Variants in HMGB1 observed in about 807,000 individuals in gnomAD.
HMGB1 encodes high mobility group protein B1.
For synonymous variants in HMGB1, 81 were observed against 84.0 expected (o/e 0.96, Z 0.19); for missense variants, 79 against 253.5 (o/e 0.31, Z 4.67).
At chr13:30,592,051 A>G (rs1181481918) in intron 1 of HMGB1, among the ~76,000 whole-genome samples, 2 of 152,152 alleles carry the variant, frequency 1.3e-5, no homozygotes, top group Non-Finnish European at 2.9e-5. Flanking sequence ...GAAAATTGTC[A>G]AAATTAGCTT....
chr13:30,553,024 C>T (rs1367004819), intron 1 of HMGB1, among the ~76,000 whole-genome samples: 2 of 152,132 alleles, frequency 1.3e-5, no homozygotes, highest in Admixed American at 6.5e-5. Flanking sequence ...CAGTTAAGGC[C>T]TGTAAGCTTG....
rs910224568 is a variant in HMGB1 at position 30,465,923 on chromosome 13, C to T, written c.-142G>A. On this transcript the variant is annotated 5_prime_UTR_variant, in exon 1 of 5. Coordinates refer to ENST00000341423, the MANE Select transcript of HMGB1 (RefSeq NM_002128.7). The stretch of plus-strand genomic sequence containing the variant: ...CCAGACGCAGCCTCCTCACTCTCTC[C>T]GCTCTGTAACATTACTCTCCAGCCA... The T allele has an allele frequency of 2.0e-6, 2 of 985,926 alleles. No homozygotes were observed. The highest frequency in any genetic ancestry group is 1.7e-5 in the African/African-American group (1 of 57,254). The allele number at this position is 985,926 out of a possible 1,614,324, so 61.1% of individuals were successfully genotyped here.
intron 1 of HMGB1, among the ~76,000 whole-genome samples, chr13:30,472,624 AAAC>A (rs145013717): frequency 0.47 from 71,824 of 151,530 alleles, 17,104 homozygotes; most frequent in Admixed American, 0.51. Flanking sequence ...ACAATACAGA[AAAC>A]AACAACAACA....
rs933507012 is a variant in HMGB1 at position 30,459,851 on chromosome 13, T to A, written c.*1506A>T. ...TAAGTGAAAGCCATTTAACTAGTAT[T>A]TAAAACCTCTGCAATTATTAGTTTA... is the stretch of plus-strand genomic sequence containing the variant. On this transcript the variant is annotated 3_prime_UTR_variant, in exon 5 of 5. Coordinates refer to ENST00000341423, the MANE Select transcript of HMGB1 (RefSeq NM_002128.7). 2.0e-5 allele frequency: 3 copies of A among 152,694 alleles called. No homozygotes were observed. The East Asian group carries it at 5.8e-4, about 29-fold the overall frequency. 9.5% of individuals were successfully genotyped at this position (152,694 alleles called of 1,614,324 possible). A position where few individuals can be genotyped will look rare whatever the true frequency, so the allele number is the denominator to read the frequency against.
At position 30,499,177 on chromosome 13, in the gene HMGB1, T is replaced by C. The variant is rs188109419; in HGVS notation, c.-14-35483A>G. 8.5e-5 allele frequency among the ~76,000 whole-genome samples: 13 copies of C among 152,274 alleles called. No homozygotes were observed. In the East Asian group the frequency reaches 2.5e-3, roughly 29 times the overall value. On this transcript the variant is annotated intron_variant, in intron 1 of 4. Transcript: ENST00000405805. ...CATGTTGGCTAGGCTGGTCTCAAACTCCTGACCTCAGGTGATCCACCCGCC... is the reference window on the plus strand; with the variant it reads ...CATGTTGGCTAGGCTGGTCTCAAACCCCTGACCTCAGGTGATCCACCCGCC...
At chr13:30,614,057 AG>A (rs1950538033) in intron 1 of HMGB1, among the ~76,000 whole-genome samples, 1 of 152,216 alleles carries the variant, frequency 6.6e-6, no homozygotes, top group African/African-American at 2.4e-5. Flanking sequence ...CACTATGCAT[AG>A]TATGTACCAT....
upstream of HMGB1, among the ~76,000 whole-genome samples, chr13:30,470,433 T>C (rs1049931794): frequency 2.6e-5 from 4 of 152,176 alleles, no homozygotes; most frequent in Non-Finnish European, 4.4e-5. Flanking sequence ...TTACATCTCA[T>C]TGACGTAACT....
intron 1 of HMGB1, among the ~76,000 whole-genome samples, chr13:30,487,938 G>A (rs1179398426): frequency 2.0e-5 from 3 of 152,082 alleles, no homozygotes; most frequent in Non-Finnish European, 2.9e-5. Flanking sequence ...AAAATTCTAA[G>A]CTACTAATTA....
intron 1 of HMGB1, among the ~76,000 whole-genome samples, chr13:30,510,906 A>G (rs1347052124): frequency 2.0e-5 from 3 of 152,158 alleles, no homozygotes; most frequent in Non-Finnish European, 2.9e-5. Flanking sequence ...TTATTCTTCA[A>G]AATGTATTGT....
chr13:30,463,180 G>T, intron 3 of HMGB1, 27 bp downstream of exon 3: 1 of 1,595,818 alleles, frequency 6.3e-7, no homozygotes, highest in Non-Finnish European at 8.5e-7. Flanking sequence ...AACGTGTCTG[G>T]GAAGTAAAAA....
At chr13:30,587,638 A>G (rs924335988) in intron 1 of HMGB1, among the ~76,000 whole-genome samples, 1 of 152,194 alleles carries the variant, frequency 6.6e-6, no homozygotes, top group Non-Finnish European at 1.5e-5. Flanking sequence ...TGTCTTTTAT[A>G]TCTCCTAATA....
At position 30,555,134 on chromosome 13, in the gene HMGB1, T is replaced by C. The variant is rs1486752324; in HGVS notation, c.-15+61537A>G. 5.7e-5 allele frequency among the ~76,000 whole-genome samples: 8 copies of C among 140,156 alleles called. No individual in the cohort carries two copies. In the East Asian group the frequency reaches 9.4e-4, roughly 16 times the overall value. 91.9% of individuals were successfully genotyped at this position (140,156 alleles called of 152,430 possible). ...TCGGCTCACTGCAAGCTCCGCCTCCTGGGTTCACGCCATTCTCCTGCCTCA... is the reference window on the plus strand; with the variant it reads ...TCGGCTCACTGCAAGCTCCGCCTCCCGGGTTCACGCCATTCTCCTGCCTCA... On this transcript the variant is annotated intron_variant, in intron 1 of 4. Coordinates refer to the HMGB1 transcript ENST00000405805.
intron 1 of HMGB1, among the ~76,000 whole-genome samples, chr13:30,602,400 G>A (rs936247362): frequency 2.0e-5 from 3 of 152,120 alleles, no homozygotes; most frequent in Non-Finnish European, 4.4e-5. Flanking sequence ...AATAATAAAC[G>A]ATGTTTTTTA....
At chr13:30,470,978 A>G (rs531299805) in intron 1 of HMGB1, among the ~76,000 whole-genome samples, 1 of 148,534 alleles carries the variant, frequency 6.7e-6, no homozygotes, top group Non-Finnish European at 1.5e-5. Context: ...TTTATATTTA[A>G]TTAATTAATT....
At chr13:30,602,852 A>C (rs187911167) in intron 1 of HMGB1, among the ~76,000 whole-genome samples, 175 of 152,312 alleles carry the variant, frequency 1.1e-3, no homozygotes, top group African/African-American at 3.8e-3. Context: ...GTCACCCAGG[A>C]CAGAGGGCAG....
chr13:30,584,741 T>C (rs1871065310), intron 1 of HMGB1, among the ~76,000 whole-genome samples: 2 of 152,226 alleles, frequency 1.3e-5, no homozygotes, highest in Non-Finnish European at 1.5e-5. Flanking sequence ...CCAGAATTCT[T>C]ACATTGTTTT....
chr13:30,510,215 A>G (rs1887962815), intron 1 of HMGB1, among the ~76,000 whole-genome samples: 1 of 152,156 alleles, frequency 6.6e-6, no homozygotes, highest in African/African-American at 2.4e-5. Context: ...ATCCTCAACA[A>G]GTATTTGTTG....
At chr13:30,485,323 GC>G (rs1387777481) in intron 1 of HMGB1, among the ~76,000 whole-genome samples, 2 of 152,152 alleles carry the variant, frequency 1.3e-5, no homozygotes, top group Non-Finnish European at 2.9e-5. Context: ...GAACCACTGT[GC>G]CCAGCAGGAA....
chr13:30,488,634 T>C (rs967718696), intron 1 of HMGB1, among the ~76,000 whole-genome samples: 11 of 147,770 alleles, frequency 7.4e-5, no homozygotes, highest in Middle Eastern at 3.6e-3. Context: ...CAAGCCTGGC[T>C]AATTTTTAAT....
Sources: gnomAD v4.1 joint callset for allele counts (sites outside exome capture counted in the v4.1 genomes callset) on GRCh38, gnomAD v4.1.1 for gene constraint, MANE v1.5 for transcripts, NCBI Gene and HGNC (gene_info 2026-07-23, HGNC 2026-07-21) for gene names.